Variants in DOK6 observed in about 807,000 individuals in gnomAD.
DOK6 encodes docking protein 6.
Under a neutral mutation model 44.0 loss-of-function variants are expected in DOK6, and 22 were observed. That is an observed-to-expected ratio of 0.50 (90% CI 0.36 to 0.71). The LOEUF (loss-of-function observed/expected upper bound fraction) is 0.71. Ranked by LOEUF, DOK6 falls within the 30% of genes least tolerant of loss-of-function variation. The pLI, the probability that DOK6 is intolerant of heterozygous loss-of-function variation, is 0.00. For synonymous variants in DOK6, 166 were observed against 145.5 expected, an observed-to-expected ratio of 1.14 and a Z score of -1.01; for missense variants, 340 against 416.4, an observed-to-expected ratio of 0.82 and a Z score of 1.60.
intron 3 of DOK6, among the ~76,000 whole-genome samples, chr18:69,609,843 T>C (rs1984095656): frequency 6.6e-6 from 1 of 152,194 alleles, no homozygotes; most frequent in African/African-American, 2.4e-5. Flanking sequence ...TTATTCAATC[T>C]TTAAAAAGAA....
intron 6 of DOK6, among the ~76,000 whole-genome samples, chr18:69,757,283 T>C (rs552043432): frequency 2.0e-5 from 3 of 152,222 alleles, no homozygotes; most frequent in African/African-American, 7.2e-5. Context: ...GCGATTGAAA[T>C]GGGTAAAAAA....
At chr18:69,699,169 C>A (rs954878393) in intron 5 of DOK6, among the ~76,000 whole-genome samples, 5 of 152,090 alleles carry the variant, frequency 3.3e-5, no homozygotes, top group African/African-American at 1.2e-4. Flanking sequence ...AAATCATTGT[C>A]TTTATGCTAT....
chr18:69,668,490 T>G (rs1005220782), intron 3 of DOK6, among the ~76,000 whole-genome samples: 3 of 152,200 alleles, frequency 2.0e-5, no homozygotes, highest in Admixed American at 6.5e-5. Flanking sequence ...TTTTACACCC[T>G]CAATGATTGA....
chr18:69,434,340 T>C (rs190782277), intron 1 of DOK6, among the ~76,000 whole-genome samples: 82 of 152,316 alleles, frequency 5.4e-4, no homozygotes, highest in African/African-American at 1.9e-3. Context: ...AAACTTCTCA[T>C]TGAACAAAAT....
chr18:69,657,345 G>T (rs937559799), intron 3 of DOK6, among the ~76,000 whole-genome samples: 1 of 152,180 alleles, frequency 6.6e-6, no homozygotes, highest in Non-Finnish European at 1.5e-5. Flanking sequence ...TTAACTGCAT[G>T]ACATGGCTCT....
At chr18:69,510,708 T>C (rs17773005) in intron 1 of DOK6, among the ~76,000 whole-genome samples, 36,476 of 152,102 alleles carry the variant, frequency 0.24, 4,533 homozygotes, top group South Asian at 0.33. Flanking sequence ...TCTGAACTGC[T>C]GTGAAAAGGG....
chr18:69,698,633 T>TA, intron 5 of DOK6, 40 bp downstream of exon 5: 1 of 1,590,806 alleles, frequency 6.3e-7, no homozygotes, highest in Non-Finnish European at 8.6e-7. Flanking sequence ...GAGTTGTCTG[T>TA]ATAACAGAGT....
At chr18:69,487,449 A>G (rs1390773754) in intron 1 of DOK6, among the ~76,000 whole-genome samples, 2 of 152,122 alleles carry the variant, frequency 1.3e-5, no homozygotes, top group Non-Finnish European at 2.9e-5. Context: ...GTGTGTGAGG[A>G]GCTGGAAGGA....
At chr18:69,448,333 G>T (rs1441376353) in intron 1 of DOK6, among the ~76,000 whole-genome samples, 4 of 152,054 alleles carry the variant, frequency 2.6e-5, no homozygotes, top group Non-Finnish European at 5.9e-5. Context: ...TCTGCCATTT[G>T]GGTGATGCCA....
chr18:69,838,968 C>T (rs117404294), intron 7 of DOK6, among the ~76,000 whole-genome samples: 5,513 of 151,270 alleles, frequency 0.036, 137 homozygotes, highest in Non-Finnish European at 0.053. Flanking sequence ...CGAACTCCTC[C>T]CCAAGCCTCA....
chr18:69,814,628 A>T (rs1028951943), intron 7 of DOK6, among the ~76,000 whole-genome samples: 2 of 152,194 alleles, frequency 1.3e-5, no homozygotes, highest in Admixed American at 6.6e-5. Flanking sequence ...CATGACTGGG[A>T]GGCCTCAGGA....
At chr18:69,544,989 T>C (rs71368402) in intron 1 of DOK6, among the ~76,000 whole-genome samples, 27,398 of 150,578 alleles carry the variant, frequency 0.18, 3,670 homozygotes, top group Middle Eastern at 0.35. Flanking sequence ...GGTGTAGTGG[T>C]GCACGTCTGT....
At chr18:69,688,518 C>T (rs566545957) in intron 4 of DOK6, among the ~76,000 whole-genome samples, 3 of 152,238 alleles carry the variant, frequency 2.0e-5, no homozygotes, top group East Asian at 1.9e-4. Flanking sequence ...CATATGTAGA[C>T]AAATAGGTTG....
intron 1 of DOK6, among the ~76,000 whole-genome samples, chr18:69,495,272 C>G (rs1435588757): frequency 6.6e-6 from 1 of 152,226 alleles, no homozygotes; most frequent in African/African-American, 2.4e-5. Context: ...CTCCTCTCCC[C>G]TTCACCTTCA....
chr18:69,659,865 TAA>T (rs1292777925), intron 3 of DOK6: 2 of 20,204 alleles, frequency 9.9e-5, no homozygotes, highest in Non-Finnish European at 3.1e-4. Context: ...TATATATATA[TAA>T]AACATATATG....
chr18:69,825,216 G>A (rs1981704463), intron 7 of DOK6, among the ~76,000 whole-genome samples: 1 of 151,990 alleles, frequency 6.6e-6, no homozygotes, highest in South Asian at 2.1e-4. Context: ...GATTTAGTAA[G>A]ATTTAGAAAA....
chr18:69,433,396 A>C (rs937721009), intron 1 of DOK6, among the ~76,000 whole-genome samples: 2 of 152,208 alleles, frequency 1.3e-5, no homozygotes, highest in African/African-American at 4.8e-5. Context: ...TAGAAATAGC[A>C]GGAAAATTAA....
intron 7 of DOK6, among the ~76,000 whole-genome samples, chr18:69,774,131 G>GAGATATATATATATATATGAGATATAT (rs1979977814): frequency 7.2e-5 from 1 of 13,860 alleles, no homozygotes; most frequent in African/African-American, 1.0e-4. Flanking sequence ...ATATATATAT[G>GAGATATATATATATATATGAGATATAT]AGATATATAT....
chr18:69,620,006 A>G (rs1032585866), intron 3 of DOK6, among the ~76,000 whole-genome samples: 1 of 152,120 alleles, frequency 6.6e-6, no homozygotes, highest in African/African-American at 2.4e-5. Flanking sequence ...TTTTGATTTT[A>G]TGTATTATTA....
Sources: gnomAD v4.1 joint callset for allele counts (sites outside exome capture counted in the v4.1 genomes callset) on GRCh38, gnomAD v4.1.1 for gene constraint, MANE v1.5 for transcripts, NCBI Gene and HGNC (gene_info 2026-07-23, HGNC 2026-07-21) for gene names.